The following CNTNAP5 variants were observed in gnomAD, a reference collection of about 807,000 sequenced individuals.
CNTNAP5 encodes contactin associated protein family member 5, also known as contactin-associated protein-like 5.
CNTNAP5 carries 72 observed loss-of-function variants against 150.2 expected under a neutral mutation model. That is an observed-to-expected ratio of 0.48 (90% CI 0.40 to 0.58). The LOEUF (loss-of-function observed/expected upper bound fraction) is 0.58, where lower values mean the gene tolerates loss of function less well. Among genes scored for constraint, CNTNAP5 ranks in the 20% least tolerant of loss-of-function variants. CNTNAP5 has a pLI of 0.00. For missense variants in CNTNAP5, 1,636 were observed against 1,626.2 expected (o/e 1.01, Z -0.10); for synonymous variants, 672 against 619.8 (o/e 1.08, Z -1.25).
At chr2:124,557,553 G>A (rs1330561350) in intron 10 of CNTNAP5, among the ~76,000 whole-genome samples, 1 of 152,150 alleles carries the variant, frequency 6.6e-6, no homozygotes, top group Middle Eastern at 3.4e-3. Flanking sequence ...TCCTACTTTG[G>A]GTACGTCAGT....
chr2:124,655,999 A>AAAGAAAG (rs1317556643), intron 13 of CNTNAP5, among the ~76,000 whole-genome samples: 23 of 90,632 alleles, frequency 2.5e-4, no homozygotes, highest in Non-Finnish European at 4.6e-4. Context: ...AAGAAAGAAA[A>AAAGAAAG]AAGGAAGGAA....
At chr2:124,561,002 A>G (rs912390322) in intron 10 of CNTNAP5, among the ~76,000 whole-genome samples, 1 of 151,716 alleles carries the variant, frequency 6.6e-6, no homozygotes, top group Non-Finnish European at 1.5e-5. Context: ...GCACCTATTG[A>G]GTGTGCTTTG....
intron 3 of CNTNAP5, among the ~76,000 whole-genome samples, chr2:124,379,981 G>T (rs983130243): frequency 6.6e-6 from 1 of 152,046 alleles, no homozygotes; most frequent in African/African-American, 2.4e-5. Flanking sequence ...TTCAGATCTG[G>T]ATTACCATGT....
At chr2:124,830,464 C>T (rs928927803) in intron 19 of CNTNAP5, among the ~76,000 whole-genome samples, 1 of 151,860 alleles carries the variant, frequency 6.6e-6, no homozygotes, top group African/African-American at 2.4e-5. Context: ...TTATGAAAAG[C>T]CCATTCAGAT....
At chr2:124,510,844 G>A (rs1381726344) in intron 8 of CNTNAP5, among the ~76,000 whole-genome samples, 1 of 152,148 alleles carries the variant, frequency 6.6e-6, no homozygotes, top group African/African-American at 2.4e-5. Context: ...CCTTCTAGGA[G>A]TCTTGCTGGA....
chr2:124,362,100 G>C (rs567517191), intron 3 of CNTNAP5, among the ~76,000 whole-genome samples: 1 of 152,324 alleles, frequency 6.6e-6, no homozygotes, highest in East Asian at 1.9e-4. Flanking sequence ...CCCTTTCTTT[G>C]ACTCGGAAAG....
chr2:124,358,654 C>T (rs1690098076), intron 3 of CNTNAP5, among the ~76,000 whole-genome samples: 1 of 152,094 alleles, frequency 6.6e-6, no homozygotes, highest in Admixed American at 6.6e-5. Context: ...GGGATGAAGC[C>T]CACTTGATCA....
At chr2:124,237,560 A>G (rs1434112350) in intron 2 of CNTNAP5, among the ~76,000 whole-genome samples, 1 of 152,118 alleles carries the variant, frequency 6.6e-6, no homozygotes, top group African/African-American at 2.4e-5. Flanking sequence ...GCAGCTGGGC[A>G]TGGTGGCTCA....
In CNTNAP5 at chr2:124,855,031, G is replaced by A. The variant is rs1448851666; in HGVS notation, c.3218-10275G>A. Among the ~76,000 whole-genome samples the A allele has an allele frequency of 2.0e-5, 3 of 152,118 alleles. No homozygotes were observed. The East Asian group carries it at 5.8e-4, about 29-fold the overall frequency. ...AGAGGCAAGGAAAAGCATTTGGAGG[G>A]ATACTGCGTGTTCAGGTGTGTGACT... On this transcript the variant is annotated intron_variant, in intron 19 of 23. Transcript: ENST00000682447.
chr2:124,362,234 G>T (rs923769217), intron 3 of CNTNAP5, among the ~76,000 whole-genome samples: 2 of 152,202 alleles, frequency 1.3e-5, no homozygotes, highest in Non-Finnish European at 2.9e-5. Flanking sequence ...AGATGAACCC[G>T]GTACGTCACA....
chr2:124,492,263 C>G (rs1458039435), intron 7 of CNTNAP5, among the ~76,000 whole-genome samples: 2 of 152,160 alleles, frequency 1.3e-5, no homozygotes, highest in Admixed American at 1.3e-4. Context: ...ATATTTAAGT[C>G]TGTAATACAT....
chr2:124,406,954 T>C (rs1691585640), intron 3 of CNTNAP5, among the ~76,000 whole-genome samples: 1 of 152,242 alleles, frequency 6.6e-6, no homozygotes, highest in Non-Finnish European at 1.5e-5. Flanking sequence ...CATGTGAAGC[T>C]TGTCTTTCTG....
chr2:124,811,051 T>C (rs77170035), intron 19 of CNTNAP5, among the ~76,000 whole-genome samples: 22,712 of 152,026 alleles, frequency 0.15, 1,760 homozygotes, highest in African/African-American at 0.17. Context: ...AAGTAACAAA[T>C]ACCAGCTTTA....
At chr2:124,560,773 C>T (rs896637130) in intron 10 of CNTNAP5, among the ~76,000 whole-genome samples, 1 of 152,104 alleles carries the variant, frequency 6.6e-6, no homozygotes, top group Non-Finnish European at 1.5e-5. Flanking sequence ...CAGGGACCGA[C>T]CACACAGTGT....
At chr2:124,662,517 AG>A (rs1678613819) in intron 13 of CNTNAP5, among the ~76,000 whole-genome samples, 2 of 152,364 alleles carry the variant, frequency 1.3e-5, no homozygotes, top group Non-Finnish European at 2.9e-5. Flanking sequence ...GTATTACAAC[AG>A]CCGTTAAATA....
intron 19 of CNTNAP5, among the ~76,000 whole-genome samples, chr2:124,837,640 A>G (rs532885920): frequency 6.6e-6 from 1 of 152,272 alleles, no homozygotes; most frequent in South Asian, 2.1e-4. Context: ...TTAAATTATC[A>G]TCGAGCAAAA....
chr2:124,805,589 G>T (rs186500746), intron 19 of CNTNAP5, among the ~76,000 whole-genome samples: 1 of 152,244 alleles, frequency 6.6e-6, no homozygotes, highest in African/African-American at 2.4e-5. Flanking sequence ...AGCTAGTATG[G>T]AAATAAAGCC....
In CNTNAP5 at chr2:124,652,446, C is replaced by T. The variant is rs995323608; in HGVS notation, c.2077+4488C>T. ...TACCTTGGTTGAGCCCAGACCTTTT[C>T]TCTCTTGTCAGCACCTTCATAGGCA... is the stretch of plus-strand genomic sequence containing the variant. On this transcript the variant is annotated intron_variant, in intron 13 of 23. Transcript: ENST00000682447. Among the ~76,000 whole-genome samples the T allele has an allele frequency of 2.0e-5, 3 of 152,208 alleles. No homozygotes were observed. The South Asian group carries it at 6.2e-4, about 31-fold the overall frequency.
chr2:124,164,591 A>C (rs1684767027), intron 1 of CNTNAP5, among the ~76,000 whole-genome samples: 1 of 152,204 alleles, frequency 6.6e-6, no homozygotes, highest in Admixed American at 6.5e-5. Flanking sequence ...GTGGAGGGGA[A>C]GTCCATGACA....
Sources: gnomAD v4.1 joint callset for allele counts (sites outside exome capture counted in the v4.1 genomes callset) on GRCh38, gnomAD v4.1.1 for gene constraint, MANE v1.5 for transcripts, NCBI Gene and HGNC (gene_info 2026-07-23, HGNC 2026-07-21) for gene names.